RBFOX1: variants seen among roughly 807,000 people sequenced by gnomAD.
The protein encoded by RBFOX1 is RNA binding protein fox-1 homolog 1.
Under a neutral mutation model 57.7 loss-of-function variants are expected in RBFOX1, and 8 were observed. The ratio of observed to expected loss-of-function variants is 0.14; its 90% confidence interval spans 0.08 to 0.25. The LOEUF (loss-of-function observed/expected upper bound fraction) is 0.25. RBFOX1 is among the 10% of genes least tolerant of loss of function. RBFOX1 has a pLI of 1.00. For missense variants in RBFOX1, 611 were observed against 548.5 expected, an observed-to-expected ratio of 1.11 and a Z score of -1.14; for synonymous variants, 326 against 222.4, an observed-to-expected ratio of 1.47 and a Z score of -4.15.
chr16:7,407,404 GTA>G (rs1491460588), intron 4 of RBFOX1, among the ~76,000 whole-genome samples: 215 of 143,466 alleles, frequency 1.5e-3, no homozygotes, highest in South Asian at 3.6e-3. Context: ...GTGTGTGTGT[GTA>G]TGTGTGTGGT....
chr16:6,869,230 C>G (rs912502137), intron 3 of RBFOX1, among the ~76,000 whole-genome samples: 1 of 152,170 alleles, frequency 6.6e-6, no homozygotes, highest in Non-Finnish European at 1.5e-5. Flanking sequence ...CACTTGCTGA[C>G]CACCTATATG....
intron 3 of RBFOX1, among the ~76,000 whole-genome samples, chr16:6,915,954 C>G (rs749026762): frequency 4.6e-5 from 7 of 152,050 alleles, no homozygotes; most frequent in Admixed American, 4.6e-4. Context: ...GCTGAGAAAC[C>G]AAAGTACAAG....
At chr16:6,396,785 T>G (rs977745699) in intron 2 of RBFOX1, among the ~76,000 whole-genome samples, 1 of 152,148 alleles carries the variant, frequency 6.6e-6, no homozygotes, top group Admixed American at 6.5e-5. Context: ...AAGAAGCAGT[T>G]AACCCTGACA....
At chr16:6,592,325 T>A (rs1005009679) in intron 2 of RBFOX1, among the ~76,000 whole-genome samples, 10 of 152,240 alleles carry the variant, frequency 6.6e-5, no homozygotes, top group Non-Finnish European at 7.3e-5. Flanking sequence ...TCTGCAGTTG[T>A]ACATTTCTTC....
At chr16:7,293,636 G>A (rs765770606) in intron 4 of RBFOX1, among the ~76,000 whole-genome samples, 8 of 152,152 alleles carry the variant, frequency 5.3e-5, no homozygotes, top group Non-Finnish European at 1.0e-4. Flanking sequence ...ACCGTGAATT[G>A]CAATTTGGGG....
chr16:5,286,585 G>A (rs1305439550), intron 1 of RBFOX1, among the ~76,000 whole-genome samples: 1 of 152,168 alleles, frequency 6.6e-6, no homozygotes, highest in East Asian at 1.9e-4. Flanking sequence ...TGAGAAGAAG[G>A]GGGAATTCCC....
At chr16:5,704,922 C>T (rs1451873907) in intron 3 of RBFOX1, among the ~76,000 whole-genome samples, 3 of 152,126 alleles carry the variant, frequency 2.0e-5, no homozygotes, top group Admixed American at 1.3e-4. Flanking sequence ...TACCCTCCTT[C>T]AACCAAAAAG....
intron 3 of RBFOX1, among the ~76,000 whole-genome samples, chr16:6,734,920 G>T (rs62017575): frequency 6.6e-6 from 1 of 152,076 alleles, no homozygotes. Flanking sequence ...GTGTTGCCTC[G>T]CTTGAGCCCA....
rs1169157385 is a variant in RBFOX1 at position 6,779,763 on chromosome 16, T to TTATA, written c.-16+125121_-16+125124dup. ...TATTTTTATATATACTTTTATATAT[T>TTATA]TATATATATATTTATATATATTTTT... On this transcript the variant is annotated intron_variant, in intron 3 of 15. Coordinates refer to ENST00000550418, the MANE Select transcript of RBFOX1 (RefSeq NM_018723.4). 2.3e-3 allele frequency among the ~76,000 whole-genome samples: 27 copies of TTATA among 11,800 alleles called. 2 individuals are homozygous for TTATA. The highest frequency in any genetic ancestry group is 4.2e-3 in the Non-Finnish European group (24 of 5,710). 7.7% of individuals were successfully genotyped at this position (11,800 alleles called of 152,430 possible). A position where few individuals can be genotyped will look rare whatever the true frequency, so the allele number is the denominator to read the frequency against.
At chr16:7,389,761 G>A (rs1201733479) in intron 4 of RBFOX1, among the ~76,000 whole-genome samples, 1 of 152,092 alleles carries the variant, frequency 6.6e-6, no homozygotes, top group Non-Finnish European at 1.5e-5. Context: ...TAATAATATT[G>A]GTGGTTAAAA....
intron 1 of RBFOX1, among the ~76,000 whole-genome samples, chr16:5,426,975 C>T (rs1009188623): frequency 7.2e-5 from 11 of 152,216 alleles, no homozygotes; most frequent in African/African-American, 2.7e-4. Flanking sequence ...GGTTCAAATT[C>T]ATATCGGCTT....
chr16:5,919,643 T>C (rs780052497), intron 4 of RBFOX1, among the ~76,000 whole-genome samples: 2 of 152,108 alleles, frequency 1.3e-5, no homozygotes, highest in Non-Finnish European at 2.9e-5. Flanking sequence ...AATATAAAGT[T>C]AACCATTTTA....
intron 4 of RBFOX1, among the ~76,000 whole-genome samples, chr16:7,506,613 C>T (rs745656562): frequency 1.9e-4 from 29 of 152,114 alleles, no homozygotes; most frequent in African/African-American, 6.0e-4. Context: ...ATCACCACCA[C>T]CACCATCTTT....
At chr16:7,478,253 A>G (rs904868142) in intron 4 of RBFOX1, among the ~76,000 whole-genome samples, 2 of 152,240 alleles carry the variant, frequency 1.3e-5, no homozygotes, top group Non-Finnish European at 2.9e-5. Flanking sequence ...TGACAGAACT[A>G]TCATTGCGTA....
intron 4 of RBFOX1, among the ~76,000 whole-genome samples, chr16:7,252,477 C>T (rs2094530464): frequency 6.6e-6 from 1 of 152,176 alleles, no homozygotes; most frequent in Non-Finnish European, 1.5e-5. Context: ...ATCGTCAGCA[C>T]TGAAGTATCT....
chr16:5,645,092 A>G (rs961882745), intron 3 of RBFOX1, among the ~76,000 whole-genome samples: 3 of 151,922 alleles, frequency 2.0e-5, no homozygotes, highest in Admixed American at 6.6e-5. Context: ...AAAAAAAAAA[A>G]AAATAAAAAT....
chr16:7,123,049 G>C lies in RBFOX1; in HGVS notation c.27+70951G>C, dbSNP rs144017630. Among the ~76,000 whole-genome samples the C allele has an allele frequency of 6.9e-4, 105 of 152,190 alleles. 1 individual carries two copies. In the South Asian group the frequency reaches 9.3e-3, roughly 14 times the overall value. On this transcript the variant is annotated intron_variant, in intron 4 of 15. Coordinates refer to ENST00000550418, the MANE Select transcript of RBFOX1 (RefSeq NM_018723.4). ...AGGGGCTGCCAGGGATTAGGGGTTG[G>C]GGGGAGGGTAGTTGCAAATGAATAG...
chr16:6,732,159 G>A (rs1426541942), intron 3 of RBFOX1, among the ~76,000 whole-genome samples: 1 of 152,018 alleles, frequency 6.6e-6, no homozygotes, highest in Non-Finnish European at 1.5e-5. Context: ...CTATACATCT[G>A]ATCCCTCCAT....
intron 2 of RBFOX1, among the ~76,000 whole-genome samples, chr16:6,463,882 C>G (rs890107456): frequency 1.3e-5 from 2 of 152,036 alleles, no homozygotes; most frequent in African/African-American, 4.8e-5. Flanking sequence ...CCCACCATGA[C>G]CTAGGAGGTG....
Sources: gnomAD v4.1 joint callset for allele counts (sites outside exome capture counted in the v4.1 genomes callset) on GRCh38, gnomAD v4.1.1 for gene constraint, MANE v1.5 for transcripts, NCBI Gene and HGNC (gene_info 2026-07-23, HGNC 2026-07-21) for gene names.